CDH3: variants seen among roughly 807,000 people sequenced by gnomAD.
The protein encoded by CDH3 is cadherin-3.
In CDH3, 54 loss-of-function variants were observed where a neutral mutation model predicts 82.0. The ratio of observed to expected loss-of-function variants is 0.66; its 90% confidence interval spans 0.53 to 0.83. The LOEUF is 0.83. Ranked by LOEUF, CDH3 falls within the 40% of genes least tolerant of loss-of-function variation. The pLI is 0.00. For synonymous variants in CDH3, 446 were observed against 437.9 expected, an observed-to-expected ratio of 1.02 and a Z score of -0.23; for missense variants, 1,054 against 1,084.6, an observed-to-expected ratio of 0.97 and a Z score of 0.40.
At chr16:68,709,252 T>C (rs983967704) in intron 1 of CDH3, among the ~76,000 whole-genome samples, 2 of 152,202 alleles carry the variant, frequency 1.3e-5, no homozygotes, top group East Asian at 3.9e-4. Context: ...ATTTTTTGTT[T>C]TTGGTAAGGA....
chr16:68,690,476 A>G (rs903185888), intron 12 of CDH3, among the ~76,000 whole-genome samples: 2 of 151,882 alleles, frequency 1.3e-5, no homozygotes, highest in Non-Finnish European at 2.9e-5. Flanking sequence ...AGCTGGGTGT[A>G]GTGGCGCAAA....
intron 2 of CDH3, among the ~76,000 whole-genome samples, chr16:68,672,141 C>T (rs978339877): frequency 5.4e-5 from 8 of 148,858 alleles, no homozygotes; most frequent in African/African-American, 1.2e-4. Flanking sequence ...TGCAGTGAGC[C>T]GAGATTGCGC....
rs1195068335 is a variant in CDH3 at position 68,684,648 on chromosome 16, T to G, written c.1248T>G (p.Phe416Leu). ...LYVEVTNEAP[F>L]VLKLPTSTAT... ...TTGAAGTGACCAACGAGGCCCCTTT[T>G]GTGCTGAAGCTCCCAACCTCCACAG... Residue 416 changes from phenylalanine to leucine, a missense_variant, in exon 10 of 16, where the codon TTT (phenylalanine) becomes TTG (leucine). Transcript: ENST00000264012. The G allele has an allele frequency of 6.2e-7, 1 of 1,614,210 alleles. No homozygotes were observed. Among genetic ancestry groups the G allele is most frequent in the African/African-American group, 1.3e-5 (1 of 75,052 alleles).
chr16:68,732,546 G>A, the CDH3 span, among the ~76,000 whole-genome samples: 1 of 152,338 alleles, frequency 6.6e-6, no homozygotes, highest in Admixed American at 6.5e-5. Flanking sequence ...TTATCTATCT[G>A]CGGTGATCTG....
At chr16:68,665,579 CA>C (rs1189073999) in intron 2 of CDH3, among the ~76,000 whole-genome samples, 1 of 152,076 alleles carries the variant, frequency 6.6e-6, no homozygotes, top group South Asian at 2.1e-4. Context: ...GTGATTGACG[CA>C]AGGCTGCAGA....
Position 68,676,821 on chromosome 16 carries a change from C to T in CDH3, c.246+351C>T, listed in dbSNP as rs1961047117. Among the ~76,000 whole-genome samples, 3 of 152,202 alleles carry T rather than the reference C, an allele frequency of 2.0e-5. No individual in the cohort carries two copies. The South Asian group carries it at 6.2e-4, about 31-fold the overall frequency. ...AACTGAAAGCAGCTCTAAATGCAGG[C>T]CTGCCAATCCCATGAGCCTCCAGGA... On this transcript the variant is annotated intron_variant, in intron 3 of 15. Coordinates refer to ENST00000264012, the MANE Select transcript of CDH3 (RefSeq NM_001793.6).
At chr16:68,662,068 A>C (rs1960596470) in intron 2 of CDH3, among the ~76,000 whole-genome samples, 1 of 152,186 alleles carries the variant, frequency 6.6e-6, no homozygotes. Flanking sequence ...AGGGTTTTTC[A>C]CTGGGGAATC....
At chr16:68,651,488 C>A in intron 2 of CDH3, 1 of 407,892 alleles carries the variant, frequency 2.5e-6, no homozygotes, top group Non-Finnish European at 4.8e-6. Flanking sequence ...TCATGGTGTT[C>A]TAGTCGAAGT....
chr16:68,653,821 C>G (rs1428976233), intron 2 of CDH3, among the ~76,000 whole-genome samples: 2 of 151,708 alleles, frequency 1.3e-5, no homozygotes, highest in Non-Finnish European at 2.9e-5. Flanking sequence ...TCCCAAGTAG[C>G]TGGGACTACA....
chr16:68,649,760 G>A (rs556884405), intron 2 of CDH3, among the ~76,000 whole-genome samples: 11 of 152,228 alleles, frequency 7.2e-5, no homozygotes, highest in Admixed American at 2.0e-4. Context: ...GGGGCGAGGC[G>A]CGGTGGCTCA....
At position 68,707,146 on chromosome 16, in the gene CDH3, T is replaced by C. The variant is rs1407690140; in HGVS notation, c.99+11223T>C. On this transcript the variant is annotated intron_variant, in intron 1 of 2. Coordinates refer to the CDH3 transcript ENST00000569080. The surrounding 1 kb of genome is among the most constrained non-coding windows in gnomAD (Gnocchi z 4.5). The stretch of plus-strand genomic sequence containing the variant: ...GGGAGCAAGTATGCAGTGTCCTGTC[T>C]ACATAAAAGGAATGGCAAGGGCTAA... Among the ~76,000 whole-genome samples the C allele has an allele frequency of 1.3e-5, 2 of 152,126 alleles. No individual in the cohort carries two copies. Among genetic ancestry groups the C allele is most frequent in the Non-Finnish European group, 2.9e-5 (2 of 68,014 alleles).
In CDH3 at chr16:68,698,556, C is replaced by T. The variant is rs945417436; in HGVS notation, c.*156C>T. ...TATGAGTCTGACGTTAGAGTGGTGG[C>T]TTCCTTAGCCTTTCAGGATGGAGGA... On this transcript the variant is annotated 3_prime_UTR_variant, in exon 16 of 16. Transcript: ENST00000264012. 3.7e-5 allele frequency: 24 copies of T among 641,884 alleles called. No homozygotes were observed. Among genetic ancestry groups the T allele is most frequent in the South Asian group, 1.1e-4 (6 of 52,704 alleles). The allele number at this position is 641,884 out of a possible 1,614,324, so 39.8% of individuals were successfully genotyped here.
rs1961220544 is a variant in CDH3 at position 68,681,217 on chromosome 16, G to A, written c.996+121G>A. On this transcript the variant is annotated intron_variant, in intron 8 of 15. Coordinates refer to ENST00000264012, the MANE Select transcript of CDH3 (RefSeq NM_001793.6). Reference sequence around the variant, plus strand: ...GCCAGTCTCAGCACTATGGCTGTGTGACCTTAGGAAAACTACCTAACCTCT... The same window carrying A: ...GCCAGTCTCAGCACTATGGCTGTGTAACCTTAGGAAAACTACCTAACCTCT... 18 of 1,120,442 alleles carry A rather than the reference G, an allele frequency of 1.6e-5. No homozygotes were observed. In the South Asian group the frequency reaches 2.3e-4, roughly 14 times the overall value. 69.4% of individuals were successfully genotyped at this position (1,120,442 alleles called of 1,614,324 possible).
intron 1 of CDH3, among the ~76,000 whole-genome samples, chr16:68,708,647 T>C (rs1374266556): frequency 3.3e-5 from 5 of 151,706 alleles, no homozygotes; most frequent in South Asian, 2.1e-4. Context: ...TTTTCTTTTT[T>C]TTTTTCTTTT....
At chr16:68,724,612 G>A (rs899769652) in intron 2 of CDH3, among the ~76,000 whole-genome samples, 3 of 135,858 alleles carry the variant, frequency 2.2e-5, no homozygotes, top group African/African-American at 8.1e-5. Context: ...GAGCAACAGA[G>A]GCGAGACCCT....
intron 2 of CDH3, chr16:68,646,098 G>A: frequency 3.2e-6 from 1 of 316,424 alleles, no homozygotes; most frequent in Non-Finnish European, 6.0e-6. Flanking sequence ...CCCCCAACCC[G>A]CGCGCAGGTG....
intron 2 of CDH3, among the ~76,000 whole-genome samples, chr16:68,665,056 C>T (rs1360028716): frequency 6.6e-6 from 1 of 152,108 alleles, no homozygotes; most frequent in Non-Finnish European, 1.5e-5. Context: ...ACCTTCCTGT[C>T]CTTCTGTGTT....
chr16:68,713,608 C>T lies in CDH3; in HGVS notation c.100-8817C>T, dbSNP rs571324881. ...TCCAGCTATGCCAGAGTGACCTTTC[C>T]GGAACGCAGATCCCATCACATCCCT... is the stretch of plus-strand genomic sequence containing the variant. On this transcript the variant is annotated intron_variant, in intron 1 of 2. Coordinates refer to the CDH3 transcript ENST00000569080. 9.2e-5 allele frequency among the ~76,000 whole-genome samples: 14 copies of T among 152,226 alleles called. No homozygotes were observed. In the East Asian group the frequency reaches 1.2e-3, roughly 13 times the overall value.
intron 2 of CDH3, among the ~76,000 whole-genome samples, chr16:68,665,524 G>A (rs1341555786): frequency 6.6e-6 from 1 of 152,098 alleles, no homozygotes; most frequent in Non-Finnish European, 1.5e-5. Context: ...GCAATAAATG[G>A]CTTACATTTA....
Sources: gnomAD v4.1 joint callset for allele counts (sites outside exome capture counted in the v4.1 genomes callset) on GRCh38, gnomAD v4.1.1 for gene constraint, Gnocchi (gnomAD v3.1) non-coding constraint, MANE v1.5 for transcripts, NCBI Gene and HGNC (gene_info 2026-07-23, HGNC 2026-07-21) for gene names.